ELP6: variants seen among roughly 807,000 people sequenced by gnomAD.
The protein encoded by ELP6 is elongator complex protein 6.
In ELP6, 23 loss-of-function variants were observed where a neutral mutation model predicts 28.1. That is an observed-to-expected ratio of 0.82 (90% CI 0.59 to 1.16). ELP6 has a LOEUF of 1.16. Among genes scored for constraint, ELP6 ranks in the 50% most tolerant of loss-of-function variants. The pLI is 0.00. For missense variants in ELP6, 313 were observed against 334.6 expected (o/e 0.94, Z 0.50); for synonymous variants, 132 against 135.8 (o/e 0.97, Z 0.19).
chr3:47,510,144 C>G, intron 3 of ELP6, 40 bp downstream of exon 3: 1 of 1,467,862 alleles, frequency 6.8e-7, no homozygotes, highest in South Asian at 1.1e-5. Context: ...GACACACACA[C>G]TCACTCAGGG....
Position 47,509,414 on chromosome 3 carries a change from G to A in ELP6, c.204+770C>T, listed in dbSNP as rs1708946558. On this transcript the variant is annotated intron_variant, in intron 3 of 6. Transcript: ENST00000296149. ...TAGTAACAGGTAATGTCCCAGGCTA[G>A]GTCAAGAAGTTCATCGGCCTTTTGG... Among the ~76,000 whole-genome samples, 2 of 152,204 alleles carry A rather than the reference G, an allele frequency of 1.3e-5. 1 individual carries two copies. The highest frequency in any genetic ancestry group is 2.9e-5 in the Non-Finnish European group (2 of 68,040).
rs775637029 is a variant in ELP6 at position 47,513,632 on chromosome 3, T to G, written c.-42A>C. On this transcript the variant is annotated 5_prime_UTR_variant, in exon 1 of 7. Coordinates refer to ENST00000296149, the MANE Select transcript of ELP6 (RefSeq NM_001031703.3). ...TAGCGCTCTGGAGGAGAACCCGGAG[T>G]GCTGCAGAGACGACGGAGGCTGGAG... 2.5e-6 allele frequency: 4 copies of G among 1,611,366 alleles called. No homozygotes were observed. The East Asian group carries it at 9.0e-5, about 36-fold the overall frequency.
At chr3:47,509,962 A>G in intron 3 of ELP6, 1 of 406,464 alleles carries the variant, frequency 2.5e-6, no homozygotes, top group Non-Finnish European at 4.4e-6. Context: ...GGGTTTCACC[A>G]TGTTGGCCAG....
intron 4 of ELP6, chr3:47,502,278 C>T (rs1233065460): frequency 5.7e-5 from 20 of 350,378 alleles, no homozygotes; most frequent in Admixed American, 6.5e-5. Flanking sequence ...GGTGTGGTGG[C>T]GCACACCTGT....
In ELP6 at chr3:47,496,091, C is replaced by T; in HGVS notation, c.779G>A (p.Gly260Glu). Residue 260 changes from glycine to glutamate, a missense_variant, in exon 7 of 7, where the codon GGA becomes GAA. Coordinates refer to ENST00000296149, the MANE Select transcript of ELP6 (RefSeq NM_001031703.3). ...QDKSVSFFAK[G>E]MSPAVL ...AGGTCACAGAACAGCAGGAGACATT[C>T]CTTTGGCAAAAAAGGACACGCTTTT... The T allele has an allele frequency of 6.2e-7, 1 of 1,614,102 alleles. No homozygotes were observed. Among genetic ancestry groups the T allele is most frequent in the Non-Finnish European group, 8.5e-7 (1 of 1,180,008 alleles).
Position 47,508,379 on chromosome 3 carries a change from G to C in ELP6, c.204+1805C>G, listed in dbSNP as rs1708909306. Reference sequence around the variant, plus strand: ...ATGCCTCAGCCTCCCAAGTAGCTGGGATTATAGGCGTGAGCCACCATGCCT... The same window carrying C: ...ATGCCTCAGCCTCCCAAGTAGCTGGCATTATAGGCGTGAGCCACCATGCCT... On this transcript the variant is annotated intron_variant, in intron 3 of 6. Coordinates refer to ENST00000296149, the MANE Select transcript of ELP6 (RefSeq NM_001031703.3). Among the ~76,000 whole-genome samples the C allele has an allele frequency of 3.9e-5, 6 of 152,160 alleles. No individual in the cohort carries two copies. In the South Asian group the frequency reaches 1.0e-3, roughly 26 times the overall value.
chr3:47,512,309 CG>C (rs998698154), intron 1 of ELP6: 1 of 157,740 alleles, frequency 6.3e-6, no homozygotes, highest in Non-Finnish European at 1.4e-5. Context: ...CAGAGGCGGG[CG>C]GATCACCTGA....
intron 6 of ELP6, chr3:47,496,953 G>T: frequency 2.0e-6 from 2 of 985,448 alleles, no homozygotes; most frequent in Non-Finnish European, 2.4e-6. Context: ...TCTGGCTGAA[G>T]AGAGGCCACA....
intron 1 of ELP6, 131 bp downstream of exon 1, chr3:47,513,406 G>A: frequency 1.4e-6 from 2 of 1,467,756 alleles, no homozygotes; most frequent in East Asian, 2.6e-5. Flanking sequence ...GATCCTCTGC[G>A]GACTACAACT....
chr3:47,501,918 G>C, intron 4 of ELP6, 67 bp from the exon 5 acceptor site: 1 of 1,463,254 alleles, frequency 6.8e-7, no homozygotes, highest in Non-Finnish European at 9.4e-7. Context: ...GGACCAAGTA[G>C]CACGACAGGA....
chr3:47,512,833 G>T lies in ELP6; in HGVS notation c.54+704C>A. The T allele has an allele frequency of 1.1e-5, 11 of 975,230 alleles. 2 individuals carry two copies. The South Asian group carries it at 3.8e-4, about 34-fold the overall frequency. 60.4% of individuals were successfully genotyped at this position (975,230 alleles called of 1,614,324 possible). On this transcript the variant is annotated intron_variant, in intron 1 of 6. Coordinates refer to ENST00000296149, the MANE Select transcript of ELP6 (RefSeq NM_001031703.3). Reference sequence around the variant, plus strand: ...GGTGGCGGTTAGGAAGCTCGCCCATGAAGACGGCGGCGAAACGAACTCCCC... The same window carrying T: ...GGTGGCGGTTAGGAAGCTCGCCCATTAAGACGGCGGCGAAACGAACTCCCC...
intron 5 of ELP6, among the ~76,000 whole-genome samples, chr3:47,498,859 G>A (rs1708556020): frequency 6.6e-6 from 1 of 152,208 alleles, no homozygotes; most frequent in Non-Finnish European, 1.5e-5. Flanking sequence ...TGACAATACA[G>A]AATGATAAGA....
At chr3:47,499,913 G>A (rs1240790838) in intron 5 of ELP6, 54 of 1,327,614 alleles carry the variant, frequency 4.1e-5, no homozygotes, top group Non-Finnish European at 4.9e-5. Context: ...GGTGGAGGAC[G>A]TGACCCTCAA....
intron 6 of ELP6, chr3:47,496,503 T>G (rs1248867190): frequency 1.6e-5 from 16 of 981,230 alleles, no homozygotes; most frequent in Non-Finnish European, 1.8e-5. Context: ...ATGTTTTTTT[T>G]TTTTTTTTTT....
intron 6 of ELP6, 178 bp from the exon 7 acceptor site, chr3:47,496,375 T>A: frequency 3.1e-6 from 3 of 981,806 alleles, no homozygotes; most frequent in Non-Finnish European, 3.6e-6. Flanking sequence ...TAACTACAAA[T>A]AAAGGGTTCC....
At chr3:47,500,885 G>A (rs759696854) in intron 5 of ELP6, among the ~76,000 whole-genome samples, 3 of 152,106 alleles carry the variant, frequency 2.0e-5, no homozygotes, top group Non-Finnish European at 2.9e-5. Context: ...CAGTCTGACC[G>A]CACCATACCA....
chr3:47,507,219 G>T (rs1014981303), intron 3 of ELP6, among the ~76,000 whole-genome samples: 4 of 151,750 alleles, frequency 2.6e-5, no homozygotes, highest in Non-Finnish European at 4.4e-5. Context: ...AAATTAGCCG[G>T]GTATGGTGGC....
At chr3:47,499,515 T>C (rs2108076557) in intron 5 of ELP6, among the ~76,000 whole-genome samples, 2 of 44,190 alleles carry the variant, frequency 4.5e-5, no homozygotes, top group African/African-American at 1.4e-4. Context: ...CAAGAGTCCA[T>C]CTCAAAAAAA....
intron 5 of ELP6, chr3:47,498,672 A>C (rs1708551133): frequency 1.0e-6 from 1 of 985,288 alleles, no homozygotes; most frequent in Non-Finnish European, 1.2e-6. Context: ...ACTTCATCTA[A>C]ACCAACAGTC....
Sources: gnomAD v4.1 joint callset for allele counts (sites outside exome capture counted in the v4.1 genomes callset) on GRCh38, gnomAD v4.1.1 for gene constraint, MANE v1.5 for transcripts, NCBI Gene and HGNC (gene_info 2026-07-23, HGNC 2026-07-21) for gene names.